Variants in MGAT4C observed in about 807,000 individuals in gnomAD.
MGAT4C encodes alpha-1,3-mannosyl-glycoprotein 4-beta-N-acetylglucosaminyltransferase C.
MGAT4C carries 19 observed loss-of-function variants against 40.1 expected under a neutral mutation model. That is an observed-to-expected ratio of 0.47 (90% CI 0.33 to 0.70). The LOEUF (loss-of-function observed/expected upper bound fraction) is 0.70. Among genes scored for constraint, MGAT4C ranks in the 30% least tolerant of loss-of-function variants. The pLI is 0.02. For missense variants in MGAT4C, 491 were observed against 563.2 expected, an observed-to-expected ratio of 0.87 and a Z score of 1.30; for synonymous variants, 181 against 187.1, an observed-to-expected ratio of 0.97 and a Z score of 0.27.
intron 3 of MGAT4C, among the ~76,000 whole-genome samples, chr12:86,337,376 C>CA (rs1277448321): frequency 6.6e-6 from 1 of 151,800 alleles, no homozygotes; most frequent in Non-Finnish European, 1.5e-5. Flanking sequence ...GAAGGTGGAT[C>CA]GCTTGAGCCT....
At chr12:86,551,860 T>C (rs929829741) in intron 2 of MGAT4C, among the ~76,000 whole-genome samples, 1 of 151,988 alleles carries the variant, frequency 6.6e-6, no homozygotes, top group Non-Finnish European at 1.5e-5. Flanking sequence ...TACACAGAGA[T>C]TACACTATTG....
At chr12:86,234,912 C>T (rs1951468958) in intron 1 of MGAT4C, among the ~76,000 whole-genome samples, 1 of 152,016 alleles carries the variant, frequency 6.6e-6, no homozygotes, top group Admixed American at 6.6e-5. Context: ...CTTCCATCTT[C>T]CTGAAATAAA....
At chr12:86,419,589 C>A (rs2405797) in intron 3 of MGAT4C, among the ~76,000 whole-genome samples, 2 of 151,982 alleles carry the variant, frequency 1.3e-5, no homozygotes, top group Non-Finnish European at 2.9e-5. Context: ...AAGCATGACA[C>A]TTTAGTCTTA....
At chr12:86,092,582 A>G (rs1565970369) in intron 1 of MGAT4C, among the ~76,000 whole-genome samples, 1 of 152,138 alleles carries the variant, frequency 6.6e-6, no homozygotes, top group Non-Finnish European at 1.5e-5. Flanking sequence ...TTTAGTACTT[A>G]GATTTAGTGC....
chr12:86,486,772 T>C (rs1453189959), intron 2 of MGAT4C, among the ~76,000 whole-genome samples: 1 of 152,208 alleles, frequency 6.6e-6, no homozygotes, highest in Admixed American at 6.5e-5. Flanking sequence ...TCACAGTTTA[T>C]ATATTCTTCT....
At chr12:86,458,405 C>T (rs980613176) in intron 2 of MGAT4C, among the ~76,000 whole-genome samples, 4 of 152,108 alleles carry the variant, frequency 2.6e-5, no homozygotes, top group Non-Finnish European at 5.9e-5. Context: ...TTTCTCAGTT[C>T]TCAGTATGGT....
intron 1 of MGAT4C, among the ~76,000 whole-genome samples, chr12:86,759,881 G>A (rs1446700135): frequency 6.6e-6 from 1 of 151,886 alleles, no homozygotes; most frequent in Non-Finnish European, 1.5e-5. Context: ...TTTTTAAAAT[G>A]TTTCAGTTTT....
chr12:86,157,849 C>G (rs1002936297), intron 1 of MGAT4C, among the ~76,000 whole-genome samples: 2 of 152,146 alleles, frequency 1.3e-5, no homozygotes, highest in African/African-American at 2.4e-5. Flanking sequence ...AACTTCCCAT[C>G]AGGCTCCTCC....
At chr12:86,450,824 G>A (rs774631128) in intron 2 of MGAT4C, among the ~76,000 whole-genome samples, 27 of 151,424 alleles carry the variant, frequency 1.8e-4, no homozygotes, top group Admixed American at 3.3e-4. Flanking sequence ...TTACATACAC[G>A]TTTGTATACA....
At chr12:85,984,480 C>T (rs1466760132) in intron 3 of MGAT4C, among the ~76,000 whole-genome samples, 1 of 151,974 alleles carries the variant, frequency 6.6e-6, no homozygotes, top group East Asian at 1.9e-4. Context: ...GTCATTAAAT[C>T]TTCAGGAAGG....
rs375711399 is a variant in MGAT4C, at chr12:86,689,748, C to T, written c.-229+37461G>A. On this transcript the variant is annotated intron_variant, in intron 2 of 7. Transcript: ENST00000548651. ...GAGCTCTCCTGTAGGAGGTGTCTGT[C>T]GACCCTGGCTGGGATGTGTCTCCCA... is the stretch of plus-strand genomic sequence containing the variant. Among the ~76,000 whole-genome samples the T allele has an allele frequency of 5.3e-4, 80 of 152,238 alleles. 1 individual carries two copies. In the East Asian group the frequency reaches 0.014, roughly 26 times the overall value.
exon 1 of MGAT4C, chr12:86,838,734 C>T (rs897116317): frequency 1.3e-5 from 2 of 152,076 alleles, no homozygotes; most frequent in Admixed American, 6.6e-5. Context: ...ATCTATTGCC[C>T]GCAAAGCCAT....
chr12:86,179,834 A>C (rs2135861828), intron 1 of MGAT4C, among the ~76,000 whole-genome samples: 1 of 152,376 alleles, frequency 6.6e-6, no homozygotes, highest in East Asian at 1.9e-4. Flanking sequence ...GAAAATTTGC[A>C]GCCTGGCAAT....
intron 2 of MGAT4C, among the ~76,000 whole-genome samples, chr12:86,569,171 C>A (rs145618337): frequency 3.4e-4 from 52 of 151,894 alleles, no homozygotes; most frequent in African/African-American, 1.2e-3. Context: ...TAAAAGCCTC[C>A]AAATAGAAAA....
intron 2 of MGAT4C, among the ~76,000 whole-genome samples, chr12:86,615,466 A>G (rs1962419075): frequency 6.6e-6 from 1 of 152,066 alleles, no homozygotes; most frequent in South Asian, 2.1e-4. Context: ...TAACAATGGA[A>G]ACCCGGTATT....
chr12:86,610,566 T>TA (rs201580270), intron 2 of MGAT4C, among the ~76,000 whole-genome samples: 1 of 151,376 alleles, frequency 6.6e-6, no homozygotes, highest in East Asian at 2.0e-4. Flanking sequence ...TTTTTGTTTT[T>TA]TTTTCATTTT....
In MGAT4C at chr12:86,285,220, G is replaced by T. The variant is rs547055188; in HGVS notation, c.-57+48845C>A. ...ATATTAGACACTATATTTTGCTGTA[G>T]GAATGAAGGGTGTTGATTCAATGAG... On this transcript the variant is annotated intron_variant, in intron 4 of 7. Transcript: ENST00000548651. Among the ~76,000 whole-genome samples the T allele has an allele frequency of 1.5e-4, 23 of 152,032 alleles. No homozygotes were observed. The South Asian group carries it at 4.6e-3, about 30-fold the overall frequency.
chr12:86,595,730 T>C (rs1187279874), intron 2 of MGAT4C, among the ~76,000 whole-genome samples: 3 of 152,212 alleles, frequency 2.0e-5, no homozygotes, highest in Non-Finnish European at 2.9e-5. Context: ...GTGATTCTGC[T>C]TTGATCAAAT....
chr12:86,582,702 G>A (rs1593009544), intron 2 of MGAT4C, among the ~76,000 whole-genome samples: 1 of 151,190 alleles, frequency 6.6e-6, no homozygotes, highest in South Asian at 2.1e-4. Context: ...ACACAGTCTG[G>A]TCAAGTATCC....
Sources: allele counts gnomAD v4.1 joint callset (sites outside exome capture counted in the v4.1 genomes callset), GRCh38; gene constraint gnomAD v4.1.1; transcripts MANE v1.5; gene names NCBI Gene and HGNC (gene_info 2026-07-23, HGNC 2026-07-21).